The following POU2F2 variants were observed in gnomAD, a reference collection of about 807,000 sequenced individuals.
POU2F2 encodes the protein POU domain, class 2, transcription factor 2.
POU2F2 carries 14 observed loss-of-function variants against 63.5 expected under a neutral mutation model. That is an observed-to-expected ratio of 0.22 (90% CI 0.15 to 0.34). The LOEUF is 0.34. POU2F2 is among the 10% of genes least tolerant of loss of function. The pLI is 1.00. For synonymous variants in POU2F2, 306 were observed against 348.6 expected (o/e 0.88, Z 1.36); for missense variants, 607 against 815.2 (o/e 0.74, Z 3.11).
intron 1 of POU2F2, among the ~76,000 whole-genome samples, chr19:42,165,692 A>T (rs527962102): frequency 1.1e-3 from 160 of 152,326 alleles, no homozygotes; most frequent in African/African-American, 3.8e-3. Context: ...TAGCATGAAG[A>T]TAATAATAAC....
intron 14 of POU2F2, 88 bp from the exon 15 acceptor site, chr19:42,091,679 A>G (rs2076720475): frequency 6.4e-7 from 1 of 1,550,584 alleles, no homozygotes; most frequent in African/African-American, 1.4e-5. Flanking sequence ...AGTGCCCCCC[A>G]TCTCCCCATC....
intron 1 of POU2F2, among the ~76,000 whole-genome samples, chr19:42,172,319 T>C (rs1277784979): frequency 6.6e-6 from 1 of 152,202 alleles, no homozygotes; most frequent in Non-Finnish European, 1.5e-5. Flanking sequence ...TCTAGGCCTT[T>C]GTTGGCCCAT....
At chr19:42,131,275 G>T (rs1018520044) in intron 1 of POU2F2, among the ~76,000 whole-genome samples, 4 of 151,986 alleles carry the variant, frequency 2.6e-5, no homozygotes, top group African/African-American at 9.7e-5. Context: ...GCTCCAGGAG[G>T]ACAGACCTGA....
At chr19:42,093,005 ATATATTTTTT>A (rs1367594997) in intron 12 of POU2F2, among the ~76,000 whole-genome samples, 152 of 94,904 alleles carry the variant, frequency 1.6e-3, no homozygotes, top group African/African-American at 6.0e-3. Context: ...ATATATATAT[ATATATTTTTT>A]TTTTTTTTTT....
chr19:42,193,424 G>A (rs1313239252), intron 1 of POU2F2, among the ~76,000 whole-genome samples: 1 of 152,156 alleles, frequency 6.6e-6, no homozygotes, highest in Non-Finnish European at 1.5e-5. Context: ...GGCAGAGGAA[G>A]ATTTGACACA....
chr19:42,130,799 C>T (rs1283583095), intron 1 of POU2F2, among the ~76,000 whole-genome samples: 5 of 151,492 alleles, frequency 3.3e-5, no homozygotes, highest in Non-Finnish European at 7.4e-5. Flanking sequence ...CCCTCCTTGA[C>T]ACTCTACCAA....
chr19:42,143,909 G>A (rs1599659032), intron 2 of POU2F2, among the ~76,000 whole-genome samples: 1 of 152,132 alleles, frequency 6.6e-6, no homozygotes, highest in East Asian at 1.9e-4. Context: ...TCCTCTACCA[G>A]GTTGCACTTT....
At chr19:42,127,682 T>G (rs1330741294) in intron 1 of POU2F2, among the ~76,000 whole-genome samples, 1 of 151,974 alleles carries the variant, frequency 6.6e-6, no homozygotes, top group Non-Finnish European at 1.5e-5. Context: ...CGCCCGGCCA[T>G]AAGCTCTGTT....
intron 4 of POU2F2, 61 bp downstream of exon 4, chr19:42,122,065 C>G (rs1271000204): frequency 6.6e-7 from 1 of 1,511,394 alleles, no homozygotes; most frequent in African/African-American, 1.4e-5. Context: ...CTGAGGCAGG[C>G]CTCCTGAGGA....
chr19:42,102,315 G>C (rs2077173588), intron 5 of POU2F2, among the ~76,000 whole-genome samples: 1 of 152,162 alleles, frequency 6.6e-6, no homozygotes, highest in African/African-American at 2.4e-5. Flanking sequence ...GAAGTTTGGG[G>C]AGTAAAGACT....
At chr19:42,115,539 C>G (rs113909126) in intron 5 of POU2F2, among the ~76,000 whole-genome samples, 5 of 152,324 alleles carry the variant, frequency 3.3e-5, no homozygotes, top group African/African-American at 1.2e-4. Flanking sequence ...AACTTGGCCA[C>G]AGCTCTAAGG....
At position 42,169,731 on chromosome 19, in the gene POU2F2, T is replaced by A. The variant is rs1285809012; in HGVS notation, c.-70+6232A>T. On this transcript the variant is annotated intron_variant, in intron 1 of 6. Transcript: ENST00000524801. This position sits in a 1 kb window ranked among gnomAD's most constrained non-coding sequence, Gnocchi z 4.3. ...TACGTGGCCTCTCTAGTTTGGCGAA[T>A]GAGTGCGCGCACACGTGTGTGTGTG... is the stretch of plus-strand genomic sequence containing the variant. Among the ~76,000 whole-genome samples the A allele has an allele frequency of 6.6e-6, 1 of 152,130 alleles. No homozygotes were observed. The highest frequency in any genetic ancestry group is 2.1e-4 in the South Asian group (1 of 4,814).
chr19:42,179,479 G>T (rs2034935641), upstream of POU2F2, among the ~76,000 whole-genome samples: 1 of 151,802 alleles, frequency 6.6e-6, no homozygotes, highest in African/African-American at 2.4e-5. Context: ...GTTGCAAGTG[G>T]TACCCAGACC....
At chr19:42,103,950 T>C (rs2077240759) in intron 5 of POU2F2, among the ~76,000 whole-genome samples, 2 of 152,180 alleles carry the variant, frequency 1.3e-5, no homozygotes. Flanking sequence ...GGCTCATTTC[T>C]TTAATATACA....
At chr19:42,197,755 C>T (rs2035168527), upstream of POU2F2, among the ~76,000 whole-genome samples, 1 of 152,138 alleles carries the variant, frequency 6.6e-6, no homozygotes, top group Non-Finnish European at 1.5e-5. Flanking sequence ...CAGGTGTGAC[C>T]AGTGGGGAGC....
At chr19:42,118,905 G>A (rs182556449) in intron 4 of POU2F2, among the ~76,000 whole-genome samples, 1 of 152,302 alleles carries the variant, frequency 6.6e-6, no homozygotes, top group East Asian at 1.9e-4. Flanking sequence ...TTTGGAATGT[G>A]GACAGAGACA....
At chr19:42,134,976 C>T (rs146478319), upstream of POU2F2, among the ~76,000 whole-genome samples, 24 of 152,096 alleles carry the variant, frequency 1.6e-4, no homozygotes, top group South Asian at 2.9e-3. Flanking sequence ...GACAGCAGAG[C>T]GAGATTCTTC....
intron 1 of POU2F2, among the ~76,000 whole-genome samples, chr19:42,194,455 G>A (rs2035107047): frequency 6.7e-6 from 1 of 149,812 alleles, no homozygotes; most frequent in Non-Finnish European, 1.5e-5. Flanking sequence ...AAGGAAGGAA[G>A]GGAGGAAGAA....
At chr19:42,100,968 AC>A (rs764171590) in intron 5 of POU2F2, among the ~76,000 whole-genome samples, 5 of 152,016 alleles carry the variant, frequency 3.3e-5, no homozygotes, top group Non-Finnish European at 7.4e-5. Context: ...GCATGGTGGC[AC>A]ACACTTGTAG....
Sources: allele counts gnomAD v4.1 joint callset (sites outside exome capture counted in the v4.1 genomes callset), GRCh38; gene constraint gnomAD v4.1.1; non-coding constraint Gnocchi (gnomAD v3.1); transcripts MANE v1.5; gene names NCBI Gene and HGNC (gene_info 2026-07-23, HGNC 2026-07-21).